ITPK1: variants seen among roughly 807,000 people sequenced by gnomAD.
The protein encoded by ITPK1 is inositol-tetrakisphosphate 1-kinase.
A neutral mutation model predicts 45.3 loss-of-function variants in ITPK1; 21 were observed. The observed-to-expected ratio is 0.46, with a 90% confidence interval of 0.33 to 0.67. The LOEUF (loss-of-function observed/expected upper bound fraction) is 0.67. Among genes scored for constraint, ITPK1 ranks in the 30% least tolerant of loss-of-function variants. ITPK1 has a pLI of 0.02. For missense variants in ITPK1, 474 were observed against 573.5 expected (o/e 0.83, Z 1.77); for synonymous variants, 258 against 253.6 (o/e 1.02, Z -0.16).
At chr14:93,008,574 T>C (rs546944151) in intron 4 of ITPK1, among the ~76,000 whole-genome samples, 1 of 152,316 alleles carries the variant, frequency 6.6e-6, no homozygotes, top group Admixed American at 6.5e-5. Flanking sequence ...GCTCAGAGGA[T>C]ATCCTCATGC....
At chr14:92,942,594 G>A (rs1887486914) in intron 10 of ITPK1, among the ~76,000 whole-genome samples, 1 of 152,228 alleles carries the variant, frequency 6.6e-6, no homozygotes, top group South Asian at 2.1e-4. Context: ...GAACGGAAAT[G>A]CTGGGCATCA....
intron 2 of ITPK1, among the ~76,000 whole-genome samples, chr14:93,098,065 T>C (rs902642309): frequency 6.6e-6 from 1 of 151,876 alleles, no homozygotes. Flanking sequence ...ATGCATATAA[T>C]CCCACCACTT....
At chr14:93,099,130 T>C (rs941343766) in intron 2 of ITPK1, among the ~76,000 whole-genome samples, 1 of 152,092 alleles carries the variant, frequency 6.6e-6, no homozygotes. Context: ...GTCCAGCATG[T>C]CCTCCCCGCA....
chr14:93,014,092 G>A lies in ITPK1; in HGVS notation c.246+2584C>T, dbSNP rs530490910. ...AAACTTCCCACCTTATCAGATATCC[G>A]GCCTCTTACTGAAGCACAGACGGTG... On this transcript the variant is annotated intron_variant, in intron 4 of 10. Coordinates refer to ENST00000267615, the MANE Select transcript of ITPK1 (RefSeq NM_014216.6). This position sits in a 1 kb window ranked among gnomAD's most constrained non-coding sequence, Gnocchi z 4.4. 3.3e-5 allele frequency among the ~76,000 whole-genome samples: 5 copies of A among 152,088 alleles called. No individual in the cohort carries two copies. The highest frequency in any genetic ancestry group is 5.9e-5 in the Non-Finnish European group (4 of 68,028).
At chr14:93,107,486 AT>A (rs1892571717) in intron 2 of ITPK1, among the ~76,000 whole-genome samples, 1 of 152,200 alleles carries the variant, frequency 6.6e-6, no homozygotes, top group South Asian at 2.1e-4. Flanking sequence ...GAACGAAGAC[AT>A]CTCCCTGAAG....
chr14:93,013,759 G>A (rs930927342), intron 4 of ITPK1, among the ~76,000 whole-genome samples: 1 of 152,180 alleles, frequency 6.6e-6, no homozygotes, highest in African/African-American at 2.4e-5. Flanking sequence ...ATGCCTCCTT[G>A]TTAATGTCTA....
chr14:93,051,152 C>T (rs1276482475), intron 3 of ITPK1, among the ~76,000 whole-genome samples: 1 of 152,166 alleles, frequency 6.6e-6, no homozygotes, highest in Non-Finnish European at 1.5e-5. Context: ...TCATCACGCA[C>T]CTGGCAGGCC....
At chr14:92,964,974 TC>T (rs1240968690) in intron 5 of ITPK1, among the ~76,000 whole-genome samples, 1 of 152,192 alleles carries the variant, frequency 6.6e-6, no homozygotes, top group African/African-American at 2.4e-5. Context: ...AGCACTCCTG[TC>T]CCCTGAGAAT....
rs1890629940 is a variant in ITPK1 at position 93,063,753 on chromosome 14, G to A, written c.120+12842C>T. ...CCCAGCTCCACAGCTCACATGCTAG[G>A]CTGTGACAAGCCCACCTGTGTGAGC... On this transcript the variant is annotated intron_variant, in intron 3 of 10. Coordinates refer to ENST00000267615, the MANE Select transcript of ITPK1 (RefSeq NM_014216.6). This position sits in a 1 kb window ranked among gnomAD's most constrained non-coding sequence, Gnocchi z 4.3. Among the ~76,000 whole-genome samples, 1 of 152,194 alleles carries A rather than the reference G, an allele frequency of 6.6e-6. No individual in the cohort carries two copies. The highest frequency in any genetic ancestry group is 1.5e-5 in the Non-Finnish European group (1 of 68,034).
chr14:93,100,266 ACCAGCTCTGAATC>A (rs1892255666), intron 2 of ITPK1, among the ~76,000 whole-genome samples: 1 of 152,018 alleles, frequency 6.6e-6, no homozygotes, highest in South Asian at 2.1e-4. Context: ...AGCCAACCCA[ACCAGCTCTGAATC>A]CCAGCTCTGC....
Position 92,946,930 on chromosome 14 carries a change from G to A in ITPK1, c.739-437C>T, listed in dbSNP as rs554404435. Among the ~76,000 whole-genome samples, 13 of 152,288 alleles carry A rather than the reference G, an allele frequency of 8.5e-5. No individual in the cohort carries two copies. In the East Asian group the frequency reaches 1.7e-3, roughly 20 times the overall value. ...CCGGGAAGACATGGTGCAGAGCACC[G>A]AAGCCGGAACTTGGAGGCAGGAGGA... is the stretch of plus-strand genomic sequence containing the variant. On this transcript the variant is annotated intron_variant, in intron 9 of 10. Coordinates refer to ENST00000267615, the MANE Select transcript of ITPK1 (RefSeq NM_014216.6).
intron 3 of ITPK1, among the ~76,000 whole-genome samples, chr14:93,049,159 G>C (rs775096728): frequency 1.3e-5 from 2 of 152,164 alleles, no homozygotes; most frequent in Non-Finnish European, 2.9e-5. Flanking sequence ...TGATACTAAA[G>C]AATAACAGAT....
intron 4 of ITPK1, among the ~76,000 whole-genome samples, chr14:93,007,079 G>T (rs1294826173): frequency 2.0e-5 from 3 of 147,688 alleles, no homozygotes; most frequent in Non-Finnish European, 4.4e-5. Flanking sequence ...GCTGGAAGGG[G>T]TCGGTCATCT....
intron 5 of ITPK1, among the ~76,000 whole-genome samples, chr14:92,983,973 C>CA (rs998123853): frequency 5.9e-5 from 9 of 152,146 alleles, no homozygotes; most frequent in Admixed American, 1.3e-4. Context: ...AGAAGCGAAG[C>CA]AAGACACATG....
intron 2 of ITPK1, among the ~76,000 whole-genome samples, chr14:93,103,319 T>C (rs575676953): frequency 6.6e-6 from 1 of 151,712 alleles, no homozygotes; most frequent in Non-Finnish European, 1.5e-5. Flanking sequence ...CTCAGGAGGC[T>C]GAGGCAGGAG....
Position 93,016,127 on chromosome 14 carries a change from C to T in ITPK1, c.246+549G>A, listed in dbSNP as rs761712051. Among the ~76,000 whole-genome samples the T allele has an allele frequency of 7.2e-5, 11 of 152,162 alleles. No individual in the cohort carries two copies. The highest frequency in any genetic ancestry group is 9.6e-5 in the African/African-American group (4 of 41,452). On this transcript the variant is annotated intron_variant, in intron 4 of 10. Transcript: ENST00000267615. The surrounding 1 kb of genome is among the most constrained non-coding windows in gnomAD (Gnocchi z 5.0). ...CCAGGGCAGTGGGCAGGTCACTGTGCGATCAGGACCTGGGAGGCCGCTGGG... is the reference window on the plus strand; with the variant it reads ...CCAGGGCAGTGGGCAGGTCACTGTGTGATCAGGACCTGGGAGGCCGCTGGG...
At chr14:93,083,801 C>CA (rs752355249) in intron 2 of ITPK1, among the ~76,000 whole-genome samples, 11 of 152,172 alleles carry the variant, frequency 7.2e-5, no homozygotes, top group Non-Finnish European at 1.6e-4. Context: ...CCTGACCCCC[C>CA]AGGTCAGCTC....
At chr14:92,976,039 C>T (rs192205632) in intron 5 of ITPK1, among the ~76,000 whole-genome samples, 1 of 152,336 alleles carries the variant, frequency 6.6e-6, no homozygotes, top group Non-Finnish European at 1.5e-5. Flanking sequence ...CCCCTTCCAC[C>T]ATGATTGTAA....
At chr14:93,050,013 C>T (rs1889938259) in intron 3 of ITPK1, among the ~76,000 whole-genome samples, 1 of 152,148 alleles carries the variant, frequency 6.6e-6, no homozygotes, top group South Asian at 2.1e-4. Context: ...CGCCGACAAT[C>T]CCTGCTGCTG....
Sources: allele counts gnomAD v4.1 joint callset (sites outside exome capture counted in the v4.1 genomes callset), GRCh38; gene constraint gnomAD v4.1.1; non-coding constraint Gnocchi (gnomAD v3.1); transcripts MANE v1.5; gene names NCBI Gene and HGNC (gene_info 2026-07-23, HGNC 2026-07-21).